The following SMIM7 variants were observed in gnomAD, a reference collection of about 807,000 sequenced individuals.
The protein encoded by SMIM7 is UPF0608 protein C19orf42.
A neutral mutation model predicts 13.3 loss-of-function variants in SMIM7; 12 were observed. That is an observed-to-expected ratio of 0.90 (90% CI 0.58 to 1.46). SMIM7 has a LOEUF of 1.46. Among genes scored for constraint, SMIM7 ranks in the 40% most tolerant of loss-of-function variants. The pLI is 0.00. For missense variants in SMIM7, 114 were observed against 94.8 expected (o/e 1.20, Z -0.84); for synonymous variants, 36 against 35.8 (o/e 1.01, Z -0.02).
At chr19:16,641,274 G>A (rs2122500555), downstream of SMIM7, 1 of 152,548 alleles carries the variant, frequency 6.6e-6, no homozygotes, top group African/African-American at 2.4e-5. Context: ...ACACAAAGGG[G>A]TGTGGCCAGA....
intron 3 of SMIM7, 124 bp downstream of exon 3, chr19:16,659,271 A>C (rs1339389843): frequency 1.1e-6 from 1 of 908,956 alleles, no homozygotes; most frequent in African/African-American, 1.8e-5. Flanking sequence ...CAACAGAGCA[A>C]GACCTTGTGT....
At position 16,660,009 on chromosome 19, in the gene SMIM7, G is replaced by T. The variant is rs200423511; in HGVS notation, c.27-9C>A. The T allele has an allele frequency of 8.7e-6, 14 of 1,614,050 alleles. No homozygotes were observed. The South Asian group carries it at 1.4e-4, about 16-fold the overall frequency. On this transcript the variant is annotated splice_polypyrimidine_tract_variant and intron_variant, in intron 1 of 4. Transcript: ENST00000487416. ...CATTCATCAGCAACGTCCTGCAGAG[G>T]GAGAATTACAGTTACTAGGGGCGCC...
chr19:16,640,578 G>GCTGCTGTT (rs1398365267), intron 4 of SMIM7: 10 of 152,204 alleles, frequency 6.6e-5, no homozygotes, highest in Non-Finnish European at 1.2e-4. Flanking sequence ...ACATCGCACT[G>GCTGCTGTT]CTGCTGTTCT....
intron 4 of SMIM7, among the ~76,000 whole-genome samples, chr19:16,637,622 T>C (rs1450005863): frequency 1.3e-5 from 2 of 152,224 alleles, no homozygotes; most frequent in African/African-American, 2.4e-5. Context: ...GACCCTCCCA[T>C]GGTTGAGGCC....
downstream of SMIM7, among the ~76,000 whole-genome samples, chr19:16,641,797 C>T (rs2086406019): frequency 6.6e-6 from 1 of 152,168 alleles, no homozygotes; most frequent in South Asian, 2.1e-4. Context: ...AAGGATTTTG[C>T]CACAGCGGTC....
At chr19:16,644,118 G>GTTTT (rs557600997), downstream of SMIM7, among the ~76,000 whole-genome samples, 269 of 85,416 alleles carry the variant, frequency 3.1e-3, 5 homozygotes, top group African/African-American at 6.7e-3. Context: ...AATTGTTTGC[G>GTTTT]TTTTTTTTTT....
chr19:16,643,624 T>G (rs1053779918), downstream of SMIM7, among the ~76,000 whole-genome samples: 3 of 152,138 alleles, frequency 2.0e-5, no homozygotes, highest in African/African-American at 7.2e-5. Context: ...ATTGAACTCC[T>G]GGCCTCAAGT....
chr19:16,650,812 A>C (rs1043548182), intron 4 of SMIM7, among the ~76,000 whole-genome samples: 2 of 151,932 alleles, frequency 1.3e-5, no homozygotes, highest in Non-Finnish European at 2.9e-5. Flanking sequence ...TCTCTACCCC[A>C]TCTGGAGTGG....
intron 2 of SMIM7, 155 bp downstream of exon 2, chr19:16,659,804 G>A (rs890854046): frequency 1.0e-6 from 1 of 960,564 alleles, no homozygotes; most frequent in Non-Finnish European, 1.6e-6. Context: ...TGGGGGGCGA[G>A]GAAGATAAAC....
chr19:16,659,211 A>G (rs916745626), intron 3 of SMIM7, 184 bp downstream of exon 3: 1 of 664,826 alleles, frequency 1.5e-6, no homozygotes, highest in Non-Finnish European at 2.7e-6. Context: ...TTAGCTCAGG[A>G]GGTCGAGTCT....
intron 4 of SMIM7, among the ~76,000 whole-genome samples, chr19:16,636,682 T>C (rs2086363449): frequency 1.3e-5 from 2 of 152,230 alleles, no homozygotes; most frequent in Admixed American, 6.5e-5. Context: ...CCAGGCACAA[T>C]GGCCCATGCC....
chr19:16,638,301 CTTTTTTTT>C (rs375558591), intron 4 of SMIM7, among the ~76,000 whole-genome samples: 5 of 122,774 alleles, frequency 4.1e-5, no homozygotes, highest in Non-Finnish European at 8.5e-5. Flanking sequence ...TTTCTTTTTT[CTTTTTTTT>C]TTTTTTTTTT....
chr19:16,652,962 C>CTAA (rs1464639475), intron 4 of SMIM7: 1 of 1,550,232 alleles, frequency 6.5e-7, no homozygotes, highest in East Asian at 2.4e-5. Flanking sequence ...TTTTCTCAGC[C>CTAA]TAATGAGAAA....
intron 4 of SMIM7, among the ~76,000 whole-genome samples, chr19:16,639,245 C>A (rs1365107521): frequency 6.6e-6 from 1 of 151,724 alleles, no homozygotes; most frequent in Non-Finnish European, 1.5e-5. Context: ...GCCTCAGCCT[C>A]CCGAGTAGCT....
rs201191626 is a variant in SMIM7 at position 16,660,117 on chromosome 19, G to C, written c.-7C>G. The stretch of plus-strand genomic sequence containing the variant: ...GCAGGATGTCTCCGATCATCGTTAC[G>C]GCCGAAGCGTCCGTCAGAACCGGAA... On this transcript the variant is annotated 5_prime_UTR_variant, in exon 1 of 5. Transcript: ENST00000487416. 1 of 1,614,132 alleles carries C rather than the reference G, an allele frequency of 6.2e-7. No homozygotes were observed. Among genetic ancestry groups the C allele is most frequent in the Non-Finnish European group, 8.5e-7 (1 of 1,180,032 alleles).
intron 1 of SMIM7, 25 bp from the exon 2 acceptor site, chr19:16,660,025 TA>T: frequency 6.2e-7 from 1 of 1,614,016 alleles, no homozygotes; most frequent in Non-Finnish European, 8.5e-7. Context: ...TTACAGTTAC[TA>T]GGGGCGCCCC....
intron 2 of SMIM7, 99 bp downstream of exon 2, chr19:16,659,860 C>T: frequency 6.7e-7 from 1 of 1,492,066 alleles, no homozygotes; most frequent in Middle Eastern, 2.3e-4. Flanking sequence ...GGGCCTGCGG[C>T]TTGGGGGCGG....
Position 16,660,097 on chromosome 19 carries a change from A to T in SMIM7, c.14T>A (p.Ile5Asn), listed in dbSNP as rs1170376047. 4.3e-6 allele frequency: 7 copies of T among 1,614,062 alleles called. No homozygotes were observed. The highest frequency in any genetic ancestry group is 5.1e-6 in the Non-Finnish European group (6 of 1,180,038). The change falls in exon 1 of 5, where the codon ATC (isoleucine) becomes AAC (asparagine). Residue 5 changes from isoleucine to asparagine, a missense_variant. Ile to Asn is a moderately radical substitution (Grantham distance 149). Transcript: ENST00000487416. The part of the protein sequence containing the change: MIGD[I>N]LLFGTLLMNA... ...TCCCCCTAATTACCCGAACAGCAGG[A>T]TGTCTCCGATCATCGTTACGGCCGA...
chr19:16,653,898 CAA>C, intron 4 of SMIM7, 135 bp downstream of exon 4: 1 of 751,224 alleles, frequency 1.3e-6, no homozygotes, highest in Non-Finnish European at 2.1e-6. Flanking sequence ...CCATCTCAAA[CAA>C]AACAAAAAAT....
Sources: allele counts gnomAD v4.1 joint callset (sites outside exome capture counted in the v4.1 genomes callset), GRCh38; gene constraint gnomAD v4.1.1; transcripts MANE v1.5; gene names NCBI Gene and HGNC (gene_info 2026-07-23, HGNC 2026-07-21).